GAB2: variants seen among roughly 807,000 people sequenced by gnomAD.
GAB2 encodes GRB2-associated-binding protein 2.
In GAB2, 26 loss-of-function variants were observed where a neutral mutation model predicts 65.5. That is an observed-to-expected ratio of 0.40 (90% confidence interval 0.29 to 0.55). The LOEUF (loss-of-function observed/expected upper bound fraction) is 0.55, where lower values mean the gene tolerates loss of function less well. Among genes scored for constraint, GAB2 ranks in the 20% least tolerant of loss-of-function variants. The probability of loss-of-function intolerance (pLI) is 0.53; values close to 1 mark genes in which losing one functional copy is unlikely to be tolerated. For synonymous variants in GAB2, 321 were observed against 329.6 expected (o/e 0.97, Z 0.28); for missense variants, 884 against 875.8 (o/e 1.01, Z -0.12).
At chr11:78,416,263 A>G (rs989407337) in intron 1 of GAB2, among the ~76,000 whole-genome samples, 1 of 152,178 alleles carries the variant, frequency 6.6e-6, no homozygotes, top group African/African-American at 2.4e-5. Context: ...TTCAAAACTC[A>G]TGTGCTAAAT....
chr11:78,311,334 A>G (rs1382590986), intron 1 of GAB2, among the ~76,000 whole-genome samples: 3 of 152,170 alleles, frequency 2.0e-5, no homozygotes, highest in Non-Finnish European at 4.4e-5. Flanking sequence ...CTCAGTTTCA[A>G]TTATAAAATG....
intron 1 of GAB2, among the ~76,000 whole-genome samples, chr11:78,402,119 C>G (rs960349653): frequency 6.6e-6 from 1 of 152,206 alleles, no homozygotes; most frequent in Non-Finnish European, 1.5e-5. Flanking sequence ...AGCTTCAAAG[C>G]CTTCTATTCC....
intron 1 of GAB2, among the ~76,000 whole-genome samples, chr11:78,334,433 A>G (rs1384726503): frequency 6.6e-6 from 1 of 152,002 alleles, no homozygotes; most frequent in Non-Finnish European, 1.5e-5. Context: ...TCTGGTAACC[A>G]TCCTTCTACT....
Position 78,223,642 on chromosome 11 carries a change from G to A in GAB2, c.1337C>T (p.Thr446Ile), listed in dbSNP as rs1864534703. 3.1e-6 allele frequency: 5 copies of A among 1,610,472 alleles called. No individual in the cohort carries two copies. Among genetic ancestry groups the A allele is most frequent in the Non-Finnish European group, 4.2e-6 (5 of 1,178,190 alleles). Reference sequence around the variant, plus strand: ...GGGCACATAGTTGTCTTCAGAATTGGTGCTGTCCGATCGGCCCACAATCAT... The same window carrying A: ...GGGCACATAGTTGTCTTCAGAATTGATGCTGTCCGATCGGCCCACAATCAT... ...GKMIVGRSDS[T>I]NSEDNYVPMN... The change falls in exon 6 of 10, where the codon ACC (threonine) becomes ATC (isoleucine). Residue 446 changes from threonine to isoleucine, a missense_variant. Thr to Ile is a moderately conservative substitution (Grantham distance 89). Transcript: ENST00000361507.
chr11:78,356,230 T>C (rs1000057505), intron 1 of GAB2, among the ~76,000 whole-genome samples: 19 of 151,542 alleles, frequency 1.3e-4, no homozygotes, highest in African/African-American at 4.6e-4. Context: ...GTTTAGAAAT[T>C]AGACCCCTTC....
chr11:78,408,117 G>A (rs1439769507), intron 1 of GAB2, among the ~76,000 whole-genome samples: 10 of 152,104 alleles, frequency 6.6e-5, no homozygotes, highest in African/African-American at 2.4e-4. Context: ...AAAGCACATA[G>A]TAAACAAAAA....
intron 2 of GAB2, among the ~76,000 whole-genome samples, chr11:78,261,832 A>G (rs1017929706): frequency 1.3e-5 from 2 of 152,220 alleles, no homozygotes; most frequent in Non-Finnish European, 2.9e-5. Context: ...GAACTTTGGG[A>G]ACCCATTAGT....
chr11:78,335,922 T>C lies in GAB2; in HGVS notation c.76-55021A>G, dbSNP rs568209039. 1.7e-4 allele frequency among the ~76,000 whole-genome samples: 26 copies of C among 152,330 alleles called. 1 individual carries two copies. The South Asian group carries it at 4.1e-3, about 24-fold the overall frequency. ...TTTAGTTTTTTTCATCAGTGTCTTA[T>C]AGTTTTCATTACAGAGATCTTTCAC... On this transcript the variant is annotated intron_variant, in intron 1 of 9. Coordinates refer to ENST00000361507, the MANE Select transcript of GAB2 (RefSeq NM_080491.3).
intron 1 of GAB2, among the ~76,000 whole-genome samples, chr11:78,382,206 C>A (rs1041892582): frequency 2.0e-5 from 3 of 152,090 alleles, no homozygotes; most frequent in African/African-American, 7.2e-5. Context: ...GTCGGAATTG[C>A]AGCATCTCAG....
intron 1 of GAB2, among the ~76,000 whole-genome samples, chr11:78,330,704 C>T (rs967911786): frequency 6.6e-6 from 1 of 152,166 alleles, no homozygotes; most frequent in Admixed American, 6.5e-5. Flanking sequence ...TCTCATTGTA[C>T]ATTTCCTCTT....
intron 1 of GAB2, among the ~76,000 whole-genome samples, chr11:78,353,359 T>G: frequency 6.6e-6 from 1 of 152,192 alleles, no homozygotes; most frequent in Non-Finnish European, 1.5e-5. Flanking sequence ...GAGAATCACT[T>G]GAACCCAGAA....
chr11:78,290,014 T>C (rs1866612522), intron 1 of GAB2, among the ~76,000 whole-genome samples: 1 of 151,832 alleles, frequency 6.6e-6, no homozygotes, highest in Non-Finnish European at 1.5e-5. Flanking sequence ...TTCCTTTATT[T>C]GTAACGGGGA....
chr11:78,238,206 C>CAA (rs10541492), intron 3 of GAB2, among the ~76,000 whole-genome samples: 121 of 104,782 alleles, frequency 1.2e-3, no homozygotes, highest in African/African-American at 3.9e-3. Context: ...AGGGAAGAAA[C>CAA]AAAAAAAAAA....
intron 1 of GAB2, among the ~76,000 whole-genome samples, chr11:78,298,597 G>T (rs1003897654): frequency 1.3e-5 from 2 of 152,260 alleles, no homozygotes; most frequent in African/African-American, 4.8e-5. Flanking sequence ...AATCCATTAG[G>T]GGAATTACCT....
At position 78,215,573 on chromosome 11, in the gene GAB2, AG is replaced by A. The variant is rs1864082394; in HGVS notation, c.*3698del. On this transcript the variant is annotated 3_prime_UTR_variant, in exon 10 of 10. Transcript: ENST00000361507. ...AAGAACTCAAGACTGGGCTTCCACT[AG>A]CCCATTTTCTCTTCCTGACAAACAG... is the stretch of plus-strand genomic sequence containing the variant. 1 of 152,496 alleles carries A rather than the reference AG, an allele frequency of 6.6e-6. No homozygotes were observed. Among genetic ancestry groups the A allele is most frequent in the South Asian group, 2.1e-4 (1 of 4,836 alleles). 9.4% of individuals were successfully genotyped at this position (152,496 alleles called of 1,614,324 possible).
chr11:78,252,300 A>G (rs988251664), intron 2 of GAB2, among the ~76,000 whole-genome samples: 2 of 152,158 alleles, frequency 1.3e-5, no homozygotes, highest in Non-Finnish European at 2.9e-5. Flanking sequence ...AGCTGTATTG[A>G]CCCCCAAAAT....
In GAB2 at chr11:78,417,814, G is replaced by A. The variant is rs1289762430; in HGVS notation, c.-94C>T. The A allele has an allele frequency of 1.7e-6, 1 of 583,740 alleles. No individual in the cohort carries two copies. Among genetic ancestry groups the A allele is most frequent in the Non-Finnish European group, 2.2e-6 (1 of 462,618 alleles). The allele number at this position is 583,740 out of a possible 1,614,324, so 36.2% of individuals were successfully genotyped here. A position where few individuals can be genotyped will look rare whatever the true frequency, so the allele number is the denominator to read the frequency against. ...GCCGGCGGTGCGCAGCTCGCGGGAGGCCAGGGGCGGGGCGGGCGGCCCGGC... is the reference window on the plus strand; with the variant it reads ...GCCGGCGGTGCGCAGCTCGCGGGAGACCAGGGGCGGGGCGGGCGGCCCGGC... On this transcript the variant is annotated 5_prime_UTR_variant, in exon 1 of 10. Transcript: ENST00000361507.
At chr11:78,287,940 G>C (rs1206216589) in intron 1 of GAB2, among the ~76,000 whole-genome samples, 2 of 151,904 alleles carry the variant, frequency 1.3e-5, no homozygotes. Context: ...GAGCCAGCGT[G>C]CCCAGCCACT....
intron 1 of GAB2, among the ~76,000 whole-genome samples, chr11:78,333,926 T>C (rs1317314704): frequency 6.6e-6 from 1 of 152,156 alleles, no homozygotes; most frequent in African/African-American, 2.4e-5. Flanking sequence ...TTACTCTATA[T>C]ATTGCTTGCT....
Sources: gnomAD v4.1 joint callset for allele counts (sites outside exome capture counted in the v4.1 genomes callset) on GRCh38, gnomAD v4.1.1 for gene constraint, MANE v1.5 for transcripts, NCBI Gene and HGNC (gene_info 2026-07-23, HGNC 2026-07-21) for gene names.